SART3: variants seen among roughly 807,000 people sequenced by gnomAD.
SART3 encodes the protein HIV-1 Tat-interacting protein of 110kDa.
In SART3, 44 loss-of-function variants were observed where a neutral mutation model predicts 122.3. That is an observed-to-expected ratio of 0.36 (90% CI 0.28 to 0.46). SART3 has a LOEUF of 0.46. Among genes scored for constraint, SART3 ranks in the 20% least tolerant of loss-of-function variants. The pLI is 1.00. For synonymous variants in SART3, 442 were observed against 454.0 expected, an observed-to-expected ratio of 0.97 and a Z score of 0.34; for missense variants, 1,101 against 1,229.0, an observed-to-expected ratio of 0.90 and a Z score of 1.56.
intron 11 of SART3, 181 bp from the exon 12 acceptor site, chr12:108,535,649 T>C: frequency 1.5e-6 from 1 of 652,510 alleles, no homozygotes; most frequent in Non-Finnish European, 2.8e-6. Flanking sequence ...CACTTGAGCC[T>C]TTCTGCAGCC....
rs757728391 is a variant in SART3 at position 108,560,941 on chromosome 12, T to A, written c.214A>T (p.Met72Leu). ...GGGGAGCTCTCCGCGGAGGAAGCCA[T>A]GGCGTACTCATCCCCATCGCTCTCG... ...VSESDGDEYA[M>L]ASSAESSPGE... is the part of the protein sequence containing the mutation. The change falls in exon 1 of 19, where the codon ATG becomes TTG. Residue 72 changes from methionine (M) to leucine (L), a missense_variant. By Grantham distance (15) the Met-to-Leu change is conservative (BLOSUM62 2). This residue lies in a region of SART3 where 216 missense variants were observed against 148.9 expected (regional missense o/e 1.45). Coordinates refer to ENST00000546815, the MANE Select transcript of SART3 (RefSeq NM_014706.4). The A allele has an allele frequency of 4.3e-6, 7 of 1,614,036 alleles. No individual in the cohort carries two copies. In the East Asian group the frequency reaches 1.6e-4, roughly 36 times the overall value.
intron 1 of SART3, among the ~76,000 whole-genome samples, chr12:108,555,332 G>A (rs1413595190): frequency 6.6e-6 from 1 of 152,194 alleles, no homozygotes; most frequent in Non-Finnish European, 1.5e-5. Context: ...AGATGTGTGA[G>A]ACCTCTATGG....
intron 15 of SART3, among the ~76,000 whole-genome samples, chr12:108,527,405 C>T (rs1375120718): frequency 6.6e-6 from 1 of 152,248 alleles, no homozygotes; most frequent in Non-Finnish European, 1.5e-5. Context: ...CTGCCACAGT[C>T]ACTCGGTCTT....
chr12:108,539,658 G>A (rs979964473), intron 6 of SART3, among the ~76,000 whole-genome samples: 2 of 152,194 alleles, frequency 1.3e-5, no homozygotes, highest in Admixed American at 6.5e-5. Flanking sequence ...GGCACATTTT[G>A]CTGATGGCCA....
At chr12:108,528,482 CAAAAAAAA>C (rs398039961) in intron 15 of SART3, among the ~76,000 whole-genome samples, 1 of 98,512 alleles carries the variant, frequency 1.0e-5, no homozygotes, top group Admixed American at 1.2e-4. Flanking sequence ...GACTCCCTCT[CAAAAAAAA>C]AAAAAAAAAA....
At chr12:108,557,199 T>C (rs1451444628) in intron 1 of SART3, among the ~76,000 whole-genome samples, 2 of 149,142 alleles carry the variant, frequency 1.3e-5, no homozygotes, top group Non-Finnish European at 3.0e-5. Context: ...ACATCATTAA[T>C]GACATAGTTT....
intron 3 of SART3, among the ~76,000 whole-genome samples, chr12:108,546,378 T>C (rs1873418243): frequency 6.6e-6 from 1 of 152,074 alleles, no homozygotes; most frequent in Admixed American, 6.5e-5. Context: ...TTTTTGTATT[T>C]TTAGTAGAGA....
At chr12:108,524,833 G>A (rs193130504) in intron 17 of SART3, 4 of 402,850 alleles carry the variant, frequency 9.9e-6, no homozygotes, top group Admixed American at 3.9e-5. Flanking sequence ...ACCAAGAGGT[G>A]GATGGGACAC....
chr12:108,523,641 G>C lies in SART3; in HGVS notation c.2715-7C>G, dbSNP rs1872234457. On this transcript the variant is annotated splice_polypyrimidine_tract_variant and splice_region_variant and intron_variant, in intron 18 of 18. Coordinates refer to ENST00000546815, the MANE Select transcript of SART3 (RefSeq NM_014706.4). ...CGTCCTTCCCTTCCCCCTCCTAAAA[G>C]AGCAAACACTGAATGGACCTTTTGA... is the stretch of plus-strand genomic sequence containing the variant. 6.2e-7 allele frequency: 1 copy of C among 1,613,428 alleles called. No individual in the cohort carries two copies. The highest frequency in any genetic ancestry group is 8.5e-7 in the Non-Finnish European group (1 of 1,179,736).
At chr12:108,528,772 G>C (rs1305226447) in intron 15 of SART3, among the ~76,000 whole-genome samples, 1 of 152,198 alleles carries the variant, frequency 6.6e-6, no homozygotes, top group Non-Finnish European at 1.5e-5. Context: ...CAGGGGCCGG[G>C]TGGAGTAACT....
At chr12:108,542,951 A>C in intron 6 of SART3, 77 bp downstream of exon 6, 1 of 1,563,944 alleles carries the variant, frequency 6.4e-7, no homozygotes, top group Non-Finnish European at 8.8e-7. Flanking sequence ...CATTTTAAAG[A>C]TACTGTTTAA....
intron 1 of SART3, among the ~76,000 whole-genome samples, chr12:108,552,542 C>CAAAAAAAAAAAAAAAAAAAAAAAAAAAA (rs202116633): frequency 7.6e-6 from 1 of 130,828 alleles, no homozygotes; most frequent in African/African-American, 2.9e-5. Flanking sequence ...CATACAAAAA[C>CAAAAAAAAAAAAAAAAAAAAAAAAAAAA]AAAAAAAAAA....
Position 108,523,529 on chromosome 12 carries a change from A to C in SART3, c.2820T>G (p.Val940=), listed in dbSNP as rs1304168373. Residue 940 remains valine (V), a synonymous_variant, in exon 19 of 19, where the codon GTT becomes GTG. Transcript: ENST00000546815. ...AENGPAAAPA[V]AAPAATEAPK... ...GTGCCTCGGTGGCTGCTGGGGCGGC[A>C]ACTGCAGGAGCCGCGGCAGGGCCGT... 1 of 1,613,646 alleles carries C rather than the reference A, an allele frequency of 6.2e-7. No homozygotes were observed. The highest frequency in any genetic ancestry group is 1.3e-5 in the African/African-American group (1 of 74,894).
Position 108,523,417 on chromosome 12 carries a change from C to G in SART3, c.*40G>C, listed in dbSNP as rs1407425999. 1.9e-6 allele frequency: 3 copies of G among 1,608,814 alleles called. No individual in the cohort carries two copies. Among genetic ancestry groups the G allele is most frequent in the Admixed American group, 3.3e-5 (2 of 60,020 alleles). On this transcript the variant is annotated 3_prime_UTR_variant, in exon 19 of 19. Transcript: ENST00000546815. ...CTGGGTGGTGGGAGGTCCGCCGGGCCAGAGTGAAGTAAGGCATTTCCTGTC... is the reference window on the plus strand; with the variant it reads ...CTGGGTGGTGGGAGGTCCGCCGGGCGAGAGTGAAGTAAGGCATTTCCTGTC...
intron 12 of SART3, 96 bp downstream of exon 12, chr12:108,535,263 T>C (rs1324149017): frequency 1.1e-6 from 1 of 924,928 alleles, no homozygotes; most frequent in African/African-American, 1.6e-5. Flanking sequence ...AGCCCAGTTC[T>C]AAGGAGCTAG....
chr12:108,547,455 G>A (rs1167182661), intron 3 of SART3, among the ~76,000 whole-genome samples: 2 of 152,092 alleles, frequency 1.3e-5, no homozygotes, highest in East Asian at 3.8e-4. Context: ...GAGGAAACTG[G>A]GTGAAGGGAG....
At chr12:108,525,176 CAG>C (rs1872314921) in intron 17 of SART3, among the ~76,000 whole-genome samples, 1 of 152,258 alleles carries the variant, frequency 6.6e-6, no homozygotes, top group Non-Finnish European at 1.5e-5. Flanking sequence ...CTGCTGGTCA[CAG>C]GGCTTCCCCC....
In SART3 at chr12:108,549,123, C is replaced by A; in HGVS notation, c.404G>T (p.Arg135Leu). ...GGGAAAGATTTCACTCATCTTCTGG[C>A]GGGCCATCCTCACCTTGGTAAGCTC... ...EGELTKVRMA[R>L]QKMSEIFPLT... The change falls in exon 2 of 19, where the codon CGC becomes CTC. Residue 135 changes from arginine to leucine, a missense_variant. Physicochemically the swap from Arg to Leu is moderately radical, Grantham distance 102. Coordinates refer to ENST00000546815, the MANE Select transcript of SART3 (RefSeq NM_014706.4). The A allele has an allele frequency of 1.2e-6, 2 of 1,614,158 alleles. No individual in the cohort carries two copies. The highest frequency in any genetic ancestry group is 1.3e-5 in the African/African-American group (1 of 75,048).
intron 17 of SART3, chr12:108,524,879 T>TAAAC (rs756632143): frequency 2.0e-5 from 7 of 355,504 alleles, no homozygotes; most frequent in Non-Finnish European, 3.7e-5. Flanking sequence ...TGAGCCCTCG[T>TAAAC]GTTTCTGTGC....
Sources: allele counts gnomAD v4.1 joint callset (sites outside exome capture counted in the v4.1 genomes callset), GRCh38; gene constraint gnomAD v4.1.1; regional missense constraint gnomAD v4.1.1; transcripts MANE v1.5; gene names NCBI Gene and HGNC (gene_info 2026-07-23, HGNC 2026-07-21).